Variants in CNTN4 observed in about 807,000 individuals in gnomAD.
The protein encoded by CNTN4 is contactin-4.
In CNTN4, 77 loss-of-function variants were observed where a neutral mutation model predicts 122.5. The ratio of observed to expected loss-of-function variants is 0.63; its 90% confidence interval spans 0.52 to 0.76. The LOEUF is 0.76. CNTN4 is among the 30% of genes least tolerant of loss of function. The pLI, the probability that CNTN4 is intolerant of heterozygous loss-of-function variation, is 0.00. For synonymous variants in CNTN4, 512 were observed against 447.0 expected (o/e 1.15, Z -1.83); for missense variants, 1,256 against 1,259.1 (o/e 1.00, Z 0.04).
intron 2 of CNTN4, among the ~76,000 whole-genome samples, chr3:2,134,812 C>T (rs1292286773): frequency 6.6e-6 from 1 of 152,174 alleles, no homozygotes; most frequent in Non-Finnish European, 1.5e-5. Flanking sequence ...GGAGTTTTCT[C>T]TTACTCAGCT....
intron 7 of CNTN4, among the ~76,000 whole-genome samples, chr3:2,830,036 A>G (rs2093068907): frequency 6.6e-6 from 1 of 152,222 alleles, no homozygotes. Flanking sequence ...AAAAAAAATA[A>G]TAATTTGGCT....
At chr3:2,912,315 CAAG>C (rs1239164512) in intron 12 of CNTN4, among the ~76,000 whole-genome samples, 9 of 152,168 alleles carry the variant, frequency 5.9e-5, no homozygotes, top group Non-Finnish European at 1.2e-4. Context: ...AGCTGCCAAT[CAAG>C]AATACTATAT....
chr3:2,700,659 A>T (rs1352547286), intron 4 of CNTN4, among the ~76,000 whole-genome samples: 1 of 151,768 alleles, frequency 6.6e-6, no homozygotes, highest in Non-Finnish European at 1.5e-5. Flanking sequence ...CTGGCAAAAA[A>T]AAAAAGAAAG....
chr3:3,019,745 G>GGT (rs202036131), intron 14 of CNTN4, among the ~76,000 whole-genome samples: 21 of 141,988 alleles, frequency 1.5e-4, no homozygotes, highest in South Asian at 2.3e-4. Flanking sequence ...AGGGAGAAGG[G>GGT]GTGTGTGTGT....
chr3:2,962,880 T>G (rs998636334), intron 13 of CNTN4, among the ~76,000 whole-genome samples: 2 of 152,198 alleles, frequency 1.3e-5, no homozygotes, highest in African/African-American at 4.8e-5. Flanking sequence ...GTCCCATCCG[T>G]CTTGTTCCTG....
At chr3:2,450,696 C>G (rs1052020024) in intron 3 of CNTN4, among the ~76,000 whole-genome samples, 1 of 152,212 alleles carries the variant, frequency 6.6e-6, no homozygotes, top group Non-Finnish European at 1.5e-5. Flanking sequence ...ACTCCCAATA[C>G]AGGCTCCTTG....
At chr3:2,464,384 A>G (rs2075423237) in intron 3 of CNTN4, among the ~76,000 whole-genome samples, 1 of 152,224 alleles carries the variant, frequency 6.6e-6, no homozygotes, top group Non-Finnish European at 1.5e-5. Context: ...TTGTGCAACT[A>G]GCACTTGTGT....
intron 18 of CNTN4, 49 bp from the exon 19 acceptor site, chr3:3,038,884 C>A: frequency 1.3e-6 from 2 of 1,532,908 alleles, no homozygotes; most frequent in Non-Finnish European, 9.0e-7. Context: ...TCCTGGCCCT[C>A]ATTCGCCTTT....
At chr3:2,820,352 T>TAG (rs1340422816) in intron 7 of CNTN4, among the ~76,000 whole-genome samples, 3 of 152,162 alleles carry the variant, frequency 2.0e-5, no homozygotes, top group African/African-American at 7.2e-5. Flanking sequence ...GATAAACATA[T>TAG]AGAGAGAGTG....
At chr3:2,574,970 G>C (rs2079593940) in intron 4 of CNTN4, among the ~76,000 whole-genome samples, 1 of 152,010 alleles carries the variant, frequency 6.6e-6, no homozygotes, top group Non-Finnish European at 1.5e-5. Context: ...CTGCAGGCTA[G>C]ATGCAGTTCC....
At chr3:2,697,114 C>T (rs754428743) in intron 4 of CNTN4, among the ~76,000 whole-genome samples, 2 of 152,164 alleles carry the variant, frequency 1.3e-5, no homozygotes, top group African/African-American at 2.4e-5. Flanking sequence ...ATTTAGAATT[C>T]ACAGTGTGTG....
intron 7 of CNTN4, among the ~76,000 whole-genome samples, chr3:2,828,771 C>G (rs933047883): frequency 5.3e-5 from 8 of 152,082 alleles, no homozygotes; most frequent in African/African-American, 1.7e-4. Flanking sequence ...GACAGGATCT[C>G]ACTCTATCAC....
chr3:2,759,238 C>T (rs149349103), intron 6 of CNTN4, among the ~76,000 whole-genome samples: 2 of 152,126 alleles, frequency 1.3e-5, no homozygotes, highest in African/African-American at 2.4e-5. Context: ...TCACTGCAAC[C>T]TCTGCCTCCC....
intron 2 of CNTN4, among the ~76,000 whole-genome samples, chr3:2,219,904 G>T (rs2038995314): frequency 6.6e-6 from 1 of 151,876 alleles, no homozygotes; most frequent in African/African-American, 2.4e-5. Context: ...ATTTCCCTAT[G>T]ATAAATACCT....
intron 4 of CNTN4, among the ~76,000 whole-genome samples, chr3:2,716,057 T>C (rs1297936547): frequency 6.6e-6 from 1 of 152,092 alleles, no homozygotes; most frequent in Non-Finnish European, 1.5e-5. Flanking sequence ...CTCAACCTCC[T>C]GGGCTCAAAC....
chr3:2,567,757 T>G (rs1343082947), intron 3 of CNTN4, among the ~76,000 whole-genome samples: 2 of 152,156 alleles, frequency 1.3e-5, no homozygotes, highest in African/African-American at 4.8e-5. Context: ...TTTGTTTTCC[T>G]TGTCACTTGG....
At chr3:2,750,971 T>C (rs1373092114) in intron 6 of CNTN4, among the ~76,000 whole-genome samples, 2 of 152,016 alleles carry the variant, frequency 1.3e-5, no homozygotes, top group African/African-American at 4.8e-5. Context: ...TCCTTATAAG[T>C]GTTTCTATTG....
intron 3 of CNTN4, among the ~76,000 whole-genome samples, chr3:2,355,699 G>A (rs1253560078): frequency 6.6e-6 from 1 of 152,082 alleles, no homozygotes; most frequent in African/African-American, 2.4e-5. Context: ...CCTAGCTCTA[G>A]ACTAACATGA....
At chr3:3,010,382 T>C (rs1697105674) in intron 14 of CNTN4, among the ~76,000 whole-genome samples, 1 of 152,058 alleles carries the variant, frequency 6.6e-6, no homozygotes, top group South Asian at 2.1e-4. Flanking sequence ...GGGTTTCTTA[T>C]CTGCTAATCA....
Sources: gnomAD v4.1 joint callset for allele counts (sites outside exome capture counted in the v4.1 genomes callset) on GRCh38, gnomAD v4.1.1 for gene constraint, MANE v1.5 for transcripts, NCBI Gene and HGNC (gene_info 2026-07-23, HGNC 2026-07-21) for gene names.